The following SPATA18 variants were observed in gnomAD, a reference collection of about 807,000 sequenced individuals.
The protein encoded by SPATA18 is spermatogenesis associated 18.
A neutral mutation model predicts 68.1 loss-of-function variants in SPATA18; 54 were observed. The ratio of observed to expected loss-of-function variants is 0.79; its 90% CI spans 0.64 to 0.99. SPATA18 has a LOEUF of 0.99. SPATA18 is among the 50% of genes least tolerant of loss of function. SPATA18 has a pLI of 0.00. For synonymous variants in SPATA18, 242 were observed against 244.8 expected, an observed-to-expected ratio of 0.99 and a Z score of 0.11; for missense variants, 724 against 681.1, an observed-to-expected ratio of 1.06 and a Z score of -0.70.
intron 1 of SPATA18, among the ~76,000 whole-genome samples, chr4:52,058,329 G>T (rs1738530298): frequency 6.6e-6 from 1 of 151,428 alleles, no homozygotes. Context: ...GGATGAGATG[G>T]AGAAAAAATG....
intron 11 of SPATA18, among the ~76,000 whole-genome samples, chr4:52,093,048 T>C (rs1054218307): frequency 6.6e-5 from 10 of 152,080 alleles, no homozygotes; most frequent in Admixed American, 2.0e-4. Flanking sequence ...GGTACTAGGC[T>C]TAATACCCAG....
chr4:52,058,184 G>A (rs1738516253), intron 1 of SPATA18, among the ~76,000 whole-genome samples: 1 of 152,206 alleles, frequency 6.6e-6, no homozygotes, highest in Non-Finnish European at 1.5e-5. Flanking sequence ...ACATTACACT[G>A]TTAAATTATT....
rs1004960678 is a variant in SPATA18, at chr4:52,051,777, C to G, written c.73C>G (p.Leu25Val). The G allele has an allele frequency of 6.2e-7, 1 of 1,614,206 alleles. No homozygotes were observed. Among genetic ancestry groups the G allele is most frequent in the Non-Finnish European group, 8.5e-7 (1 of 1,180,026 alleles). Residue 25 changes from leucine to valine, a missense_variant, in exon 1 of 13, where the codon CTG becomes GTG. Coordinates refer to ENST00000295213, the MANE Select transcript of SPATA18 (RefSeq NM_145263.4). ...RTLQEKLDFW[L>V]KEYNTNTCDQ... is the part of the protein sequence containing the mutation. ...GTTGCAGGAAAAGCTAGACTTCTGG[C>G]TGAAGGAGTACAACGTGAGTCTGGG...
intron 7 of SPATA18, among the ~76,000 whole-genome samples, chr4:52,078,079 A>G (rs968308791): frequency 1.4e-5 from 2 of 142,190 alleles, no homozygotes; most frequent in African/African-American, 5.2e-5. Flanking sequence ...CTAAGAATGT[A>G]AGAATGTTTT....
At chr4:52,074,331 G>T (rs1003943425) in intron 6 of SPATA18, among the ~76,000 whole-genome samples, 1 of 152,170 alleles carries the variant, frequency 6.6e-6, no homozygotes, top group Non-Finnish European at 1.5e-5. Flanking sequence ...CAGGTAATAT[G>T]GTGTTGATTG....
intron 10 of SPATA18, chr4:52,083,400 G>T: frequency 1.0e-6 from 1 of 985,336 alleles, no homozygotes; most frequent in East Asian, 1.1e-4. Flanking sequence ...AAGGGTTTTT[G>T]TAGCTTAAAA....
In SPATA18 at chr4:52,067,781, C is replaced by T. The variant is rs536576680; in HGVS notation, c.423-2040C>T. On this transcript the variant is annotated intron_variant, in intron 4 of 12. Coordinates refer to ENST00000295213, the MANE Select transcript of SPATA18 (RefSeq NM_145263.4). ...ACAACTGGGAACTTAAAAAAATAAA[C>T]TTGCTTGCATATTTATGATCTATCT... Among the ~76,000 whole-genome samples the T allele has an allele frequency of 5.9e-5, 9 of 152,262 alleles. No individual in the cohort carries two copies. In the East Asian group the frequency reaches 1.7e-3, roughly 29 times the overall value.
chr4:52,078,800 ACCATCTTATGTGGGG>A lies in SPATA18; in HGVS notation c.1087_1101del (p.Pro363_Gly367del). On this transcript the variant is annotated inframe_deletion, in exon 8 of 13. Coordinates refer to ENST00000295213, the MANE Select transcript of SPATA18 (RefSeq NM_145263.4). ...AGATCCATGTGAGAAAATCGTTGACACCATCTTATGTGGGGTCGAATGACTTTGAGAATGCTGTCT... is the reference window on the plus strand; with the variant it reads ...AGATCCATGTGAGAAAATCGTTGACATCGAATGACTTTGAGAATGCTGTCT... The A allele has an allele frequency of 6.2e-7, 1 of 1,608,414 alleles. No homozygotes were observed. The highest frequency in any genetic ancestry group is 8.5e-7 in the Non-Finnish European group (1 of 1,175,440).
chr4:52,051,617 C>A lies in SPATA18; in HGVS notation c.-88C>A. 8.1e-7 allele frequency: 1 copy of A among 1,230,790 alleles called. No homozygotes were observed. Among genetic ancestry groups the A allele is most frequent in the Non-Finnish European group, 1.2e-6 (1 of 833,302 alleles). The allele number at this position is 1,230,790 out of a possible 1,614,324, so 76.2% of individuals were successfully genotyped here. ...CCCCCAGAAGAGAACACCCTTCCCG[C>A]CATATCACCCCACGGTCCTGCGGAG... On this transcript the variant is annotated 5_prime_UTR_variant, in exon 1 of 13. Transcript: ENST00000295213.
rs760316926 is a variant in SPATA18, at chr4:52,076,763, T to C, written c.759-16T>C. 2 of 1,609,336 alleles carry C rather than the reference T, an allele frequency of 1.2e-6. No individual in the cohort carries two copies. ...AAATCAAAGGATTTCCCTGGCTGATTCTCGCTCACCAACAGGTCCTCCAGG... is the reference window on the plus strand; with the variant it reads ...AAATCAAAGGATTTCCCTGGCTGATCCTCGCTCACCAACAGGTCCTCCAGG... On this transcript the variant is annotated splice_polypyrimidine_tract_variant and intron_variant, in intron 6 of 12. Coordinates refer to ENST00000295213, the MANE Select transcript of SPATA18 (RefSeq NM_145263.4).
intron 5 of SPATA18, among the ~76,000 whole-genome samples, chr4:52,070,553 A>C (rs1403124351): frequency 2.2e-5 from 3 of 138,734 alleles, no homozygotes; most frequent in East Asian, 4.9e-4. Context: ...GGGAGGGGGG[A>C]GGGATAGCAT....
At chr4:52,094,708 G>T in intron 12 of SPATA18, 136 bp downstream of exon 12, 1 of 1,276,702 alleles carries the variant, frequency 7.8e-7, no homozygotes, top group Non-Finnish European at 1.1e-6. Flanking sequence ...TTTCATGTCT[G>T]GGCCTCTGGC....
chr4:52,094,782 G>A (rs757740112), intron 12 of SPATA18, 98 bp from the exon 13 acceptor site: 63 of 1,523,686 alleles, frequency 4.1e-5, no homozygotes, highest in Non-Finnish European at 5.2e-5. Flanking sequence ...AGGCTTCATT[G>A]CCATAAACCT....
At chr4:52,065,159 C>A (rs962388285) in intron 4 of SPATA18, among the ~76,000 whole-genome samples, 4 of 151,406 alleles carry the variant, frequency 2.6e-5, no homozygotes, top group Non-Finnish European at 5.9e-5. Context: ...CTTGTAGATT[C>A]TGGATATTAG....
intron 11 of SPATA18, among the ~76,000 whole-genome samples, chr4:52,085,546 A>T (rs576921327): frequency 1.1e-3 from 161 of 152,258 alleles, no homozygotes; most frequent in African/African-American, 3.5e-3. Context: ...CATCATGAAA[A>T]CTATGAAGAT....
At chr4:52,083,647 A>G (rs1397003687) in intron 10 of SPATA18, among the ~76,000 whole-genome samples, 1 of 151,772 alleles carries the variant, frequency 6.6e-6, no homozygotes, top group Non-Finnish European at 1.5e-5. Flanking sequence ...TGGGAGGCTG[A>G]GGAGGGAGGA....
Position 52,076,877 on chromosome 4 carries a change from C to T in SPATA18, c.857C>T (p.Pro286Leu), listed in dbSNP as rs150116592. The change falls in exon 7 of 13, where the codon CCG becomes CTG. Residue 286 changes from proline (P) to leucine (L), a missense_variant. Pro to Leu is a moderately conservative substitution (Grantham distance 98). Coordinates refer to ENST00000295213, the MANE Select transcript of SPATA18 (RefSeq NM_145263.4). ...TCCACCGCTGTCAAGGTCAGGAGAC[C>T]GTCCCCAAACCGCTCCAAGCTGTCC... ...SPSTAVKVRR[P>L]SPNRSKLSNV... 297 of 1,614,214 alleles carry T rather than the reference C, an allele frequency of 1.8e-4. No individual in the cohort carries two copies. The highest frequency in any genetic ancestry group is 2.0e-4 in the Non-Finnish European group (240 of 1,180,026).
At chr4:52,075,202 T>C (rs2109471998) in intron 6 of SPATA18, among the ~76,000 whole-genome samples, 1 of 152,252 alleles carries the variant, frequency 6.6e-6, no homozygotes, top group Middle Eastern at 3.4e-3. Flanking sequence ...GCTTGTAATC[T>C]GGAGGTTTTG....
At chr4:52,094,464 A>G (rs1387376778) in intron 11 of SPATA18, 63 bp from the exon 12 acceptor site, 2 of 1,550,998 alleles carry the variant, frequency 1.3e-6, no homozygotes, top group Non-Finnish European at 8.9e-7. Context: ...AAATATGTCA[A>G]AAGAATTCAT....
Sources: allele counts gnomAD v4.1 joint callset (sites outside exome capture counted in the v4.1 genomes callset), GRCh38; gene constraint gnomAD v4.1.1; transcripts MANE v1.5; gene names NCBI Gene and HGNC (gene_info 2026-07-23, HGNC 2026-07-21).